MYH9: variants seen among roughly 807,000 people sequenced by gnomAD.
MYH9 encodes the protein myosin heavy chain 9, also known as myosin-9.
In MYH9, 29 loss-of-function variants were observed where a neutral mutation model predicts 241.9. The ratio of observed to expected loss-of-function variants is 0.12; its 90% CI spans 0.09 to 0.16. The LOEUF (loss-of-function observed/expected upper bound fraction) is 0.16, where lower values mean the gene tolerates loss of function less well. MYH9 is among the 10% of genes least tolerant of loss of function. The pLI is 1.00. For synonymous variants in MYH9, 1,047 were observed against 1,062.6 expected, an observed-to-expected ratio of 0.99 and a Z score of 0.29; for missense variants, 1,803 against 2,595.5, an observed-to-expected ratio of 0.69 and a Z score of 6.63.
chr22:36,316,205 T>C (rs1454355865), intron 12 of MYH9, among the ~76,000 whole-genome samples: 2 of 151,618 alleles, frequency 1.3e-5, no homozygotes, highest in Non-Finnish European at 2.9e-5. Context: ...GCCCGGCTAA[T>C]GTATTTTTAG....
intron 19 of MYH9, among the ~76,000 whole-genome samples, chr22:36,303,270 A>C (rs767134181): frequency 2.6e-5 from 4 of 152,006 alleles, no homozygotes; most frequent in Admixed American, 6.6e-5. Context: ...GCTGTCCTGC[A>C]GCAGGGGAGC....
At chr22:36,315,372 A>G (rs1467620832) in intron 12 of MYH9, among the ~76,000 whole-genome samples, 1 of 151,974 alleles carries the variant, frequency 6.6e-6, no homozygotes, top group Non-Finnish European at 1.5e-5. Context: ...CCTCCCGTGG[A>G]CTCCAGGTTA....
intron 19 of MYH9, among the ~76,000 whole-genome samples, chr22:36,303,715 G>A (rs966691703): frequency 6.6e-6 from 1 of 151,112 alleles, no homozygotes; most frequent in South Asian, 2.1e-4. Context: ...AACGTGGGAG[G>A]TGGAGGTTGC....
At chr22:36,286,621 C>G in intron 35 of MYH9, 97 bp downstream of exon 35, 1 of 1,558,648 alleles carries the variant, frequency 6.4e-7, no homozygotes, top group South Asian at 1.1e-5. Context: ...TTCCTGGAGC[C>G]CAGTAGGACT....
chr22:36,387,043 G>A (rs1055687648), intron 1 of MYH9, among the ~76,000 whole-genome samples: 1 of 152,222 alleles, frequency 6.6e-6, no homozygotes, highest in Non-Finnish European at 1.5e-5. Flanking sequence ...TGCATTCCGG[G>A]CCTCCCTCCC....
chr22:36,320,930 G>A lies in MYH9; in HGVS notation c.770-34C>T, dbSNP rs1337462737. The A allele has an allele frequency of 6.3e-7, 1 of 1,577,298 alleles. No individual in the cohort carries two copies. Among genetic ancestry groups the A allele is most frequent in the East Asian group, 2.2e-5 (1 of 44,612 alleles). On this transcript the variant is annotated intron_variant, in intron 7 of 40. Coordinates refer to ENST00000216181, the MANE Select transcript of MYH9 (RefSeq NM_002473.6). The surrounding 1 kb of genome is among the most constrained non-coding windows in gnomAD (Gnocchi z 4.8). ...ATATTAAGGAGCAACACAAGCTGGG[G>A]AGAAGGCAAGCCCTCCACTTTCCTC...
At position 36,300,767 on chromosome 22, in the gene MYH9, T is replaced by C. The variant is rs2016863875; in HGVS notation, c.2838+84A>G. 2.0e-6 allele frequency: 3 copies of C among 1,501,256 alleles called. No homozygotes were observed. The highest frequency in any genetic ancestry group is 3.4e-5 in the Admixed American group (2 of 59,076). 93.0% of individuals were successfully genotyped at this position (1,501,256 alleles called of 1,614,324 possible). On this transcript the variant is annotated intron_variant, in intron 22 of 40. Coordinates refer to ENST00000216181, the MANE Select transcript of MYH9 (RefSeq NM_002473.6). This position sits in a 1 kb window ranked among gnomAD's most constrained non-coding sequence, Gnocchi z 5.0. ...GCAGCCTCCTTGGACCCTAATTCCA[T>C]GTTCTCCCAGCTCCTGGTTCCTGCT... is the stretch of plus-strand genomic sequence containing the variant.
chr22:36,292,110 G>C lies in MYH9; in HGVS notation c.4220C>G (p.Ala1407Gly). The C allele has an allele frequency of 6.2e-7, 1 of 1,614,152 alleles. No individual in the cohort carries two copies. The highest frequency in any genetic ancestry group is 8.5e-7 in the Non-Finnish European group (1 of 1,180,044). The change falls in exon 31 of 41, where the codon GCC becomes GGC. Residue 1407 changes from alanine (A) to glycine (G), a missense_variant. Coordinates refer to ENST00000216181, the MANE Select transcript of MYH9 (RefSeq NM_002473.6). The stretch of plus-strand genomic sequence containing the variant: ...CTTGGTCTTCTCCAGCTTGTCGTAG[G>C]CGGCCACCTTCTCCTCGTGCCGCTG... ...LSQRHEEKVA[A>G]YDKLEKTKTR...
chr22:36,323,925 C>T lies in MYH9; in HGVS notation c.613-1404G>A, dbSNP rs761111744. ...CTGGGCACCAGTGGTAACTGGACAC[C>T]GGGCTTCCACCCACAGGCCTCGGGC... On this transcript the variant is annotated intron_variant, in intron 5 of 40. Coordinates refer to ENST00000216181, the MANE Select transcript of MYH9 (RefSeq NM_002473.6). 5.3e-5 allele frequency among the ~76,000 whole-genome samples: 8 copies of T among 152,348 alleles called. No homozygotes were observed. The East Asian group carries it at 7.7e-4, about 15-fold the overall frequency.
chr22:36,297,563 C>A (rs2016807967), intron 24 of MYH9, among the ~76,000 whole-genome samples: 1 of 152,190 alleles, frequency 6.6e-6, no homozygotes, highest in African/African-American at 2.4e-5. Flanking sequence ...ACAGTGCCTG[C>A]CTCGTGATGG....
At chr22:36,303,967 C>A (rs758936041) in intron 19 of MYH9, 28 bp downstream of exon 19, 2 of 1,611,538 alleles carry the variant, frequency 1.2e-6, no homozygotes, top group Admixed American at 1.7e-5. Context: ...GCCTGGCATG[C>A]GGGGCAGGAG....
At position 36,312,236 on chromosome 22, in the gene MYH9, A is replaced by G; in HGVS notation, c.1555-14T>C. 1.2e-6 allele frequency: 2 copies of G among 1,613,866 alleles called. No individual in the cohort carries two copies. Among genetic ancestry groups the G allele is most frequent in the Non-Finnish European group, 1.7e-6 (2 of 1,180,004 alleles). On this transcript the variant is annotated splice_polypyrimidine_tract_variant and intron_variant, in intron 13 of 40. Coordinates refer to ENST00000216181, the MANE Select transcript of MYH9 (RefSeq NM_002473.6). Reference sequence around the variant, plus strand: ...CGGGGGGCCTGCCTGGAGGAAGCGCAGCATCAGCACAGGTGAGTGCACCCT... The same window carrying G: ...CGGGGGGCCTGCCTGGAGGAAGCGCGGCATCAGCACAGGTGAGTGCACCCT...
rs1309957564 is a variant in MYH9 at position 36,316,575 on chromosome 22, T to C, written c.1322A>G (p.Lys441Arg). ...LRINKALDKTKRQGASFIGIL... is the reference protein window; with the variant it reads ...LRINKALDKTRRQGASFIGIL... ...CCCGATGAAGGAGGCGCCCTGCCTC[T>C]TGGTCTTGTCCAGAGCCTTGTTGAT... Residue 441 changes from lysine (K) to arginine (R), a missense_variant, in exon 12 of 41, where the codon AAG becomes AGG. This residue lies in a region of MYH9 where 222 missense variants were observed against 359.9 expected (regional missense o/e 0.62). Coordinates refer to ENST00000216181, the MANE Select transcript of MYH9 (RefSeq NM_002473.6). 6.2e-7 allele frequency: 1 copy of C among 1,614,164 alleles called. No individual in the cohort carries two copies. The highest frequency in any genetic ancestry group is 8.5e-7 in the Non-Finnish European group (1 of 1,180,028).
chr22:36,370,807 G>T (rs904906265), intron 1 of MYH9, among the ~76,000 whole-genome samples: 6 of 150,542 alleles, frequency 4.0e-5, no homozygotes, highest in African/African-American at 1.5e-4. Flanking sequence ...CCGGAGCAGA[G>T]AGCAAAGTGG....
chr22:36,386,004 T>C (rs976037138), intron 1 of MYH9, among the ~76,000 whole-genome samples: 1 of 152,164 alleles, frequency 6.6e-6, no homozygotes, highest in Admixed American at 6.5e-5. Flanking sequence ...TATGGCATAC[T>C]TGGGACACAC....
At chr22:36,318,167 C>A (rs758163754) in intron 11 of MYH9, 40 bp downstream of exon 11, 1 of 1,569,828 alleles carries the variant, frequency 6.4e-7, no homozygotes, top group South Asian at 1.1e-5. Context: ...GGGACATTCA[C>A]CCAGGAGGCA....
intron 13 of MYH9, among the ~76,000 whole-genome samples, chr22:36,312,664 T>C (rs1047640271): frequency 4.6e-5 from 7 of 152,100 alleles, no homozygotes; most frequent in Admixed American, 1.3e-4. Context: ...TTGAGGAAGA[T>C]AGTCCCAGGG....
chr22:36,325,182 C>G (rs2146368009), intron 5 of MYH9: 1 of 721,528 alleles, frequency 1.4e-6, no homozygotes, highest in Non-Finnish European at 2.6e-6. Context: ...GAGAGAGAGA[C>G]AGAGAGGGAG....
chr22:36,360,733 A>G (rs2017924808), intron 1 of MYH9, among the ~76,000 whole-genome samples: 1 of 151,966 alleles, frequency 6.6e-6, no homozygotes, highest in Non-Finnish European at 1.5e-5. Context: ...AAAAGAAAGA[A>G]AAAGAAAAAA....
Sources: allele counts gnomAD v4.1 joint callset (sites outside exome capture counted in the v4.1 genomes callset), GRCh38; gene constraint gnomAD v4.1.1; regional missense constraint gnomAD v4.1.1; non-coding constraint Gnocchi (gnomAD v3.1); transcripts MANE v1.5; gene names NCBI Gene and HGNC (gene_info 2026-07-23, HGNC 2026-07-21).